SON: variants seen among roughly 807,000 people sequenced by gnomAD.
The protein encoded by SON is SON DNA and RNA binding protein.
Under a neutral mutation model 173.3 loss-of-function variants are expected in SON, and 4 were observed. The observed-to-expected ratio is 0.02, with a 90% CI of 0.01 to 0.05. The LOEUF (loss-of-function observed/expected upper bound fraction) is 0.05. Among genes scored for constraint, SON ranks in the 10% least tolerant of loss-of-function variants. The probability of loss-of-function intolerance (pLI) is 1.00; values close to 1 mark genes in which losing one functional copy is unlikely to be tolerated. For missense variants in SON, 2,626 were observed against 3,055.3 expected (o/e 0.86, Z 3.31); for synonymous variants, 1,190 against 1,105.9 (o/e 1.08, Z -1.51).
chr21:33,564,350 T>C (rs2086124012), intron 6 of SON, among the ~76,000 whole-genome samples: 2 of 152,306 alleles, frequency 1.3e-5, no homozygotes, highest in African/African-American at 4.8e-5. Context: ...AAAGGGTAGC[T>C]GTGGTATTAT....
chr21:33,543,429 C>A (rs80141783), intron 1 of SON: 18 of 519,206 alleles, frequency 3.5e-5, no homozygotes, highest in South Asian at 2.3e-4. Flanking sequence ...TCACCCTTCT[C>A]CCCTGTTTGG....
chr21:33,553,635 G>C lies in SON; in HGVS notation c.4404G>C (p.Glu1468Asp), dbSNP rs1289890567. 1 of 1,613,828 alleles carries C rather than the reference G, an allele frequency of 6.2e-7. No individual in the cohort carries two copies. Among genetic ancestry groups the C allele is most frequent in the South Asian group, 1.1e-5 (1 of 91,082 alleles). ...TQVIPTEVAIESTPMILESSI... is the reference protein window; with the variant it reads ...TQVIPTEVAIDSTPMILESSI... ...TAATACCAACTGAGGTGGCTATAGA[G>C]TCCACACCAATGATACTGGAATCTA... The change falls in exon 3 of 12, where the codon GAG (glutamate) becomes GAC (aspartate). Residue 1468 changes from glutamate to aspartate, a missense_variant. Glu to Asp is a conservative substitution (Grantham distance 45). Transcript: ENST00000356577.
In SON at chr21:33,555,360, A is replaced by G; in HGVS notation, c.6129A>G (p.Arg2043=). The G allele has an allele frequency of 6.3e-7, 1 of 1,579,134 alleles. No individual in the cohort carries two copies. The change falls in exon 3 of 12, where the codon CGA becomes CGG. Residue 2043 remains arginine (R), a synonymous_variant. Transcript: ENST00000356577. ...GTAAAAGATCCAGGTCTTCTGAACG[A>G]GGCAGATCACCCAAACGTCTGACAG... The part of the protein sequence containing the change: ...IRRKRSRSSE[R]GRSPKRLTDL...
In SON at chr21:33,549,615, A is replaced by G; in HGVS notation, c.384A>G (p.Lys128=). 2 of 1,599,824 alleles carry G rather than the reference A, an allele frequency of 1.3e-6. No homozygotes were observed. The highest frequency in any genetic ancestry group is 1.7e-4 in the Middle Eastern group (1 of 5,992). The change falls in exon 3 of 12, where the codon AAA becomes AAG. Residue 128 remains lysine, a synonymous_variant. Coordinates refer to ENST00000356577, the MANE Select transcript of SON (RefSeq NM_138927.4). The part of the protein sequence containing the change: ...KKKKKKEKEK[K]YKRQPEESES... ...AAAAGAAGAAAGAAAAGGAAAAAAA[A>G]TATAAAAGACAGCCAGAAGAATCTG...
At chr21:33,557,464 G>A in intron 4 of SON, 148 bp downstream of exon 4, 1 of 1,546,438 alleles carries the variant, frequency 6.5e-7, no homozygotes, top group Non-Finnish European at 8.8e-7. Context: ...GGCAGCGGCA[G>A]AAGCTCTGTT....
chr21:33,548,325 T>C (rs181054819), intron 2 of SON, among the ~76,000 whole-genome samples: 41 of 151,686 alleles, frequency 2.7e-4, no homozygotes, highest in African/African-American at 8.8e-4. Flanking sequence ...AAATTCAAAC[T>C]TTCTTAAGTT....
At chr21:33,561,102 A>G (rs1325900269) in intron 6 of SON, 3 of 152,200 alleles carry the variant, frequency 2.0e-5, no homozygotes, top group Admixed American at 6.5e-5. Flanking sequence ...GTTCTGTACA[A>G]TGAAGCTGGA....
intron 6 of SON, among the ~76,000 whole-genome samples, chr21:33,561,982 G>C (rs1295291309): frequency 6.6e-6 from 1 of 152,094 alleles, no homozygotes; most frequent in East Asian, 1.9e-4. Flanking sequence ...CTGCTTAGAA[G>C]ATTAGACTCA....
intron 9 of SON, among the ~76,000 whole-genome samples, chr21:33,574,486 T>C (rs2086355193): frequency 6.6e-6 from 1 of 152,200 alleles, no homozygotes. Context: ...TATATTAGCA[T>C]GGAATTATTT....
rs2085726811 is a variant in SON, at chr21:33,550,112, C to T, written c.881C>T (p.Pro294Leu). The change falls in exon 3 of 12, where the codon CCC becomes CTC. Residue 294 changes from proline to leucine, a missense_variant. Around this residue, in one of 13 missense-constraint regions of SON, gnomAD observed 757 missense variants for 730.1 expected, o/e 1.04. Transcript: ENST00000356577. ...PEPSKIMLVEPPVAKVLEPSE... is the reference protein window; with the variant it reads ...PEPSKIMLVELPVAKVLEPSE... ...CCATCAAAGATCATGTTGGTAGAGC[C>T]CCCAGTAGCAAAAGTGTTAGAGCCT... The T allele has an allele frequency of 1.2e-6, 2 of 1,613,998 alleles. No individual in the cohort carries two copies. The highest frequency in any genetic ancestry group is 1.7e-5 in the Admixed American group (1 of 60,006).
At chr21:33,556,878 C>G (rs965431458) in intron 3 of SON, among the ~76,000 whole-genome samples, 1 of 151,614 alleles carries the variant, frequency 6.6e-6, no homozygotes, top group African/African-American at 2.4e-5. Context: ...GTGTAGTAAC[C>G]TATTGTAATA....
At position 33,553,208 on chromosome 21, in the gene SON, C is replaced by T; in HGVS notation, c.3977C>T (p.Ser1326Phe). Residue 1326 changes from serine (S) to phenylalanine (F), a missense_variant, in exon 3 of 12, where the codon TCT becomes TTT. Ser to Phe is a radical substitution (Grantham distance 155). Transcript: ENST00000356577. ...RASGHVASEV[S>F]TSLLVPAVTT... The stretch of plus-strand genomic sequence containing the variant: ...TCAGGACATGTTGCCTCAGAAGTAT[C>T]TACATCCTTGTTGGTTCCAGCAGTA... 1 of 1,614,184 alleles carries T rather than the reference C, an allele frequency of 6.2e-7. No individual in the cohort carries two copies. Among genetic ancestry groups the T allele is most frequent in the Non-Finnish European group, 8.5e-7 (1 of 1,180,046 alleles).
Position 33,575,794 on chromosome 21 carries a change from T to C in SON, c.7122T>C (p.Ser2374=), listed in dbSNP as rs1347960906. 1.2e-6 allele frequency: 2 copies of C among 1,609,944 alleles called. No individual in the cohort carries two copies. Among genetic ancestry groups the C allele is most frequent in the Non-Finnish European group, 1.7e-6 (2 of 1,176,572 alleles). The change falls in exon 11 of 12, where the codon TCT becomes TCC. Residue 2374 remains serine (S), a synonymous_variant. Coordinates refer to ENST00000356577, the MANE Select transcript of SON (RefSeq NM_138927.4). ...MKDLSGKHPV[S]ALMEICNKRR... Reference sequence around the variant, plus strand: ...CCCCTGCAGGCAAACATCCTGTGTCTGCTTTGATGGAGATCTGTAATAAAA... The same window carrying C: ...CCCCTGCAGGCAAACATCCTGTGTCCGCTTTGATGGAGATCTGTAATAAAA...
intron 3 of SON, among the ~76,000 whole-genome samples, chr21:33,556,279 A>G (rs538339513): frequency 2.0e-5 from 3 of 152,314 alleles, no homozygotes; most frequent in South Asian, 2.1e-4. Context: ...AAATGCATAT[A>G]TGTCTCTCTT....
chr21:33,550,033 G>A lies in SON; in HGVS notation c.802G>A (p.Val268Met), dbSNP rs768964899. 2 of 1,614,184 alleles carry A rather than the reference G, an allele frequency of 1.2e-6. No individual in the cohort carries two copies. The highest frequency in any genetic ancestry group is 2.2e-5 in the East Asian group (1 of 44,892). ...ATCTGAGCCAGTTGTAACAATGTCA[G>A]TGGAGTATCAGATGAAGTCTGTGCT... Reference protein sequence around the residue: ...KSSEPVVTMSVEYQMKSVLKS... With the variant: ...KSSEPVVTMSMEYQMKSVLKS... Residue 268 changes from valine (V) to methionine (M), a missense_variant, in exon 3 of 12, where the codon GTG becomes ATG. By Grantham distance (21) the Val-to-Met change is conservative. This residue lies in a region of SON where 757 missense variants were observed against 730.1 expected (regional missense o/e 1.04). Transcript: ENST00000356577.
chr21:33,567,455 T>C, intron 7 of SON, 188 bp downstream of exon 7: 1 of 580,714 alleles, frequency 1.7e-6, no homozygotes, highest in Admixed American at 3.0e-5. Flanking sequence ...CAATAAATGT[T>C]TATTGTTTAC....
At chr21:33,575,202 ATT>A (rs1225446979) in intron 9 of SON, among the ~76,000 whole-genome samples, 1 of 151,842 alleles carries the variant, frequency 6.6e-6, no homozygotes, top group East Asian at 1.9e-4. Context: ...CGCCCGGCTA[ATT>A]TTTGTTTCTT....
In SON at chr21:33,552,310, C is replaced by G. The variant is rs1200741675; in HGVS notation, c.3079C>G (p.Pro1027Ala). Residue 1027 changes from proline (P) to alanine (A), a missense_variant, in exon 3 of 12, where the codon CCT becomes GCT. Pro to Ala is a conservative substitution (Grantham distance 27). Around this residue, in one of 13 missense-constraint regions of SON, gnomAD observed 366 missense variants for 448.6 expected, o/e 0.82. Coordinates refer to ENST00000356577, the MANE Select transcript of SON (RefSeq NM_138927.4). The surrounding 1 kb of genome is among the most constrained non-coding windows in gnomAD (Gnocchi z 5.6). The part of the protein sequence containing the change: ...MMSYERSMMS[P>A]MAERSMMSAY... ...GTCTTATGAGCGGTCTATGATGTCC[C>G]CTATGGCTGAACGCTCTATGATGTC... The G allele has an allele frequency of 6.2e-7, 1 of 1,613,768 alleles. No homozygotes were observed. Among genetic ancestry groups the G allele is most frequent in the African/African-American group, 1.3e-5 (1 of 74,816 alleles).
intron 9 of SON, among the ~76,000 whole-genome samples, chr21:33,574,167 G>GT (rs2086348535): frequency 6.6e-6 from 1 of 152,198 alleles, no homozygotes; most frequent in Admixed American, 6.5e-5. Context: ...TTGGAATAAT[G>GT]TAAGTGGAAT....
Sources: allele counts gnomAD v4.1 joint callset (sites outside exome capture counted in the v4.1 genomes callset), GRCh38; gene constraint gnomAD v4.1.1; regional missense constraint gnomAD v4.1.1; non-coding constraint Gnocchi (gnomAD v3.1); transcripts MANE v1.5; gene names NCBI Gene and HGNC (gene_info 2026-07-23, HGNC 2026-07-21).